TLK2: variants seen among roughly 807,000 people sequenced by gnomAD.
The protein encoded by TLK2 is serine/threonine-protein kinase tousled-like 2.
A neutral mutation model predicts 117.3 loss-of-function variants in TLK2; 6 were observed. That is an observed-to-expected ratio of 0.05 (90% CI 0.03 to 0.10). The LOEUF (loss-of-function observed/expected upper bound fraction) is 0.10. Among genes scored for constraint, TLK2 ranks in the 10% least tolerant of loss-of-function variants. The pLI, the probability that TLK2 is intolerant of heterozygous loss-of-function variation, is 1.00. For synonymous variants in TLK2, 257 were observed against 316.7 expected (o/e 0.81, Z 2.00); for missense variants, 299 against 901.2 (o/e 0.33, Z 8.56).
At chr17:62,588,088 C>T (rs927043924) in intron 16 of TLK2, among the ~76,000 whole-genome samples, 4 of 140,494 alleles carry the variant, frequency 2.8e-5, no homozygotes, top group Admixed American at 7.2e-5. Flanking sequence ...ATAAAATATA[C>T]GTATACATCT....
intron 2 of TLK2, among the ~76,000 whole-genome samples, chr17:62,500,981 G>A (rs779483238): frequency 8.5e-5 from 13 of 152,346 alleles, no homozygotes; most frequent in Admixed American, 2.6e-4. Context: ...ACTCACACCT[G>A]TAATCCCAGC....
intron 16 of TLK2, among the ~76,000 whole-genome samples, chr17:62,595,188 C>G (rs1336085891): frequency 2.0e-5 from 3 of 151,970 alleles, no homozygotes; most frequent in African/African-American, 7.3e-5. Flanking sequence ...GTCTCGAACT[C>G]CTGACCTCAG....
At chr17:62,609,318 A>G (rs950147223) in intron 21 of TLK2, among the ~76,000 whole-genome samples, 1 of 152,156 alleles carries the variant, frequency 6.6e-6, no homozygotes, top group African/African-American at 2.4e-5. Flanking sequence ...TCCTAGGCTC[A>G]AGCCATCCGC....
rs537711538 is a variant in TLK2 at position 62,519,930 on chromosome 17, A to G, written c.82-843A>G. Reference sequence around the variant, plus strand: ...CTCTTTCCACTTGCGTAGTACCACAACCCCTATTGTTTTTGGGAACACCCT... The same window carrying G: ...CTCTTTCCACTTGCGTAGTACCACAGCCCCTATTGTTTTTGGGAACACCCT... On this transcript the variant is annotated intron_variant, in intron 2 of 21. Coordinates refer to ENST00000346027, the MANE Select transcript of TLK2 (RefSeq NM_006852.6). 3.9e-4 allele frequency among the ~76,000 whole-genome samples: 60 copies of G among 152,042 alleles called. 1 individual carries two copies. Among genetic ancestry groups the G allele is most frequent in the African/African-American group, 1.4e-3 (59 of 41,450 alleles).
chr17:62,584,367 G>A (rs1009857845), intron 15 of TLK2, among the ~76,000 whole-genome samples: 2 of 151,726 alleles, frequency 1.3e-5, no homozygotes, highest in East Asian at 1.9e-4. Flanking sequence ...CACCTCCCTC[G>A]GCCTCCCAAA....
chr17:62,484,859 A>G (rs1183907401), intron 2 of TLK2, among the ~76,000 whole-genome samples: 1 of 151,964 alleles, frequency 6.6e-6, no homozygotes, highest in Non-Finnish European at 1.5e-5. Context: ...GATCGAGACC[A>G]TCCTGGCTAA....
At chr17:62,562,890 G>A (rs984723248) in intron 10 of TLK2, among the ~76,000 whole-genome samples, 3 of 152,130 alleles carry the variant, frequency 2.0e-5, no homozygotes, top group African/African-American at 7.2e-5. Context: ...GAGGCTCAGG[G>A]AGGAGGATCA....
At chr17:62,516,997 G>T (rs1198165426) in intron 2 of TLK2, among the ~76,000 whole-genome samples, 2 of 151,788 alleles carry the variant, frequency 1.3e-5, no homozygotes, top group African/African-American at 4.8e-5. Flanking sequence ...CCTCCACCTT[G>T]CAGGTTCAAG....
intron 2 of TLK2, among the ~76,000 whole-genome samples, chr17:62,504,014 G>A (rs919940328): frequency 7.2e-5 from 11 of 152,102 alleles, no homozygotes; most frequent in Non-Finnish European, 1.5e-5. Context: ...GATTACAGGC[G>A]TGAGCCACCA....
chr17:62,609,083 TTTG>T (rs1222201197), intron 21 of TLK2, among the ~76,000 whole-genome samples: 1 of 152,106 alleles, frequency 6.6e-6, no homozygotes, highest in East Asian at 1.9e-4. Context: ...TTATAAGTCT[TTTG>T]TTGTTGTTGG....
intron 17 of TLK2, among the ~76,000 whole-genome samples, chr17:62,597,061 T>C (rs1400623059): frequency 1.3e-5 from 2 of 152,220 alleles, no homozygotes; most frequent in African/African-American, 4.8e-5. Context: ...ATATACAGTT[T>C]AGTGGTTTGT....
intron 2 of TLK2, among the ~76,000 whole-genome samples, chr17:62,517,977 C>T (rs1341309071): frequency 5.9e-5 from 9 of 152,210 alleles, no homozygotes; most frequent in Admixed American, 5.2e-4. Context: ...GGATTACAGG[C>T]GTGAGCCATT....
intron 9 of TLK2, among the ~76,000 whole-genome samples, chr17:62,554,094 A>G (rs957863694): frequency 2.0e-5 from 3 of 152,202 alleles, no homozygotes; most frequent in Non-Finnish European, 4.4e-5. Flanking sequence ...GTTGAATTTT[A>G]TAAGCTATTT....
chr17:62,534,203 A>G (rs1046080034), intron 6 of TLK2, among the ~76,000 whole-genome samples: 1 of 152,188 alleles, frequency 6.6e-6, no homozygotes, highest in Admixed American at 6.5e-5. Context: ...GAAATTCTAC[A>G]AAAACAACTG....
chr17:62,502,106 C>T (rs569041952), intron 2 of TLK2, among the ~76,000 whole-genome samples: 1 of 147,216 alleles, frequency 6.8e-6, no homozygotes, highest in South Asian at 2.1e-4. Flanking sequence ...CAGACCAAGA[C>T]ATTAGGAAAA....
chr17:62,504,688 G>T (rs762701056), intron 2 of TLK2, among the ~76,000 whole-genome samples: 16 of 152,122 alleles, frequency 1.1e-4, no homozygotes, highest in Admixed American at 3.3e-4. Context: ...TGAACTTGTA[G>T]TCTCAGCTAC....
rs993985771 is a variant in TLK2, at chr17:62,600,908, A to T, written c.1720+88A>T. 6 of 1,328,238 alleles carry T rather than the reference A, an allele frequency of 4.5e-6. No individual in the cohort carries two copies. The South Asian group carries it at 9.1e-5, about 20-fold the overall frequency. The allele number at this position is 1,328,238 out of a possible 1,614,324, so 82.3% of individuals were successfully genotyped here. The stretch of plus-strand genomic sequence containing the variant: ...ATTTGATAAAGTTAGAGAATTTCAC[A>T]GCAGCCAAGAAAGGCTAATAACATC... On this transcript the variant is annotated intron_variant, in intron 18 of 21. Transcript: ENST00000346027.
At chr17:62,588,279 C>T (rs2081805010) in intron 16 of TLK2, among the ~76,000 whole-genome samples, 1 of 152,158 alleles carries the variant, frequency 6.6e-6, no homozygotes, top group African/African-American at 2.4e-5. Context: ...GATACCACAG[C>T]AACTGCAGGT....
At chr17:62,526,523 A>T (rs1481473868) in intron 6 of TLK2, among the ~76,000 whole-genome samples, 2 of 152,232 alleles carry the variant, frequency 1.3e-5, no homozygotes, top group Non-Finnish European at 1.5e-5. Flanking sequence ...AGATGAATGA[A>T]CTTGCTAGCC....
Sources: allele counts gnomAD v4.1 joint callset (sites outside exome capture counted in the v4.1 genomes callset), GRCh38; gene constraint gnomAD v4.1.1; transcripts MANE v1.5; gene names NCBI Gene and HGNC (gene_info 2026-07-23, HGNC 2026-07-21).